MPP7: variants seen among roughly 807,000 people sequenced by gnomAD.
MPP7 encodes MAGUK p55 scaffold protein 7.
In MPP7, 60 loss-of-function variants were observed where a neutral mutation model predicts 76.5. That is an observed-to-expected ratio of 0.78 (90% CI 0.64 to 0.97). The LOEUF (loss-of-function observed/expected upper bound fraction) is 0.97. Among genes scored for constraint, MPP7 ranks in the 50% least tolerant of loss-of-function variants. MPP7 has a pLI of 0.00. For missense variants in MPP7, 641 were observed against 694.0 expected, an observed-to-expected ratio of 0.92 and a Z score of 0.86; for synonymous variants, 237 against 244.5, an observed-to-expected ratio of 0.97 and a Z score of 0.29.
chr10:28,310,516 C>A (rs574230927), intron 2 of MPP7, among the ~76,000 whole-genome samples: 11 of 152,172 alleles, frequency 7.2e-5, no homozygotes, highest in Middle Eastern at 3.4e-3. Context: ...CAATTATATA[C>A]CATTAAAAAT....
At chr10:28,077,378 A>G (rs1852544929) in intron 12 of MPP7, among the ~76,000 whole-genome samples, 1 of 152,214 alleles carries the variant, frequency 6.6e-6, no homozygotes, top group African/African-American at 2.4e-5. Flanking sequence ...AAGGTTAAAA[A>G]TAGAGACATA....
chr10:28,120,587 T>C lies in MPP7; in HGVS notation c.690+7A>G, dbSNP rs201583306. ...CGCACGAAGAAATGTTTTTAAGCAA[T>C]AATTACCTTGCCTTCTTTTGATGGT... On this transcript the variant is annotated splice_region_variant and intron_variant, in intron 9 of 16. Transcript: ENST00000683449. 1.4e-5 allele frequency: 23 copies of C among 1,612,812 alleles called. No individual in the cohort carries two copies. In the African/African-American group the frequency reaches 2.7e-4, roughly 19 times the overall value.
intron 5 of MPP7, among the ~76,000 whole-genome samples, chr10:28,132,630 C>T (rs1230226954): frequency 2.0e-5 from 3 of 152,160 alleles, no homozygotes; most frequent in Non-Finnish European, 2.9e-5. Context: ...GACAGAGTCT[C>T]GCTCTGTCGC....
chr10:28,225,902 T>A (rs1443274187), intron 2 of MPP7, among the ~76,000 whole-genome samples: 1 of 152,136 alleles, frequency 6.6e-6, no homozygotes, highest in Non-Finnish European at 1.5e-5. Flanking sequence ...CACATAAGCA[T>A]CTAAATCAAG....
rs1225704398 is a variant in MPP7, at chr10:28,143,900, TGTGA to T, written c.315+3579_315+3582del. ...GTGTGTGTGTGTGTGTGTGTGTGTGTGTGAGACTGAGTTTCACTCTTTCACCCAG... is the reference window on the plus strand; with the variant it reads ...GTGTGTGTGTGTGTGTGTGTGTGTGTGACTGAGTTTCACTCTTTCACCCAG... On this transcript the variant is annotated intron_variant, in intron 5 of 16. Transcript: ENST00000683449. Among the ~76,000 whole-genome samples the T allele has an allele frequency of 2.6e-3, 287 of 110,036 alleles. 2 individuals carry two copies. Among genetic ancestry groups the T allele is most frequent in the African/African-American group, 9.8e-3 (268 of 27,412 alleles). 72.2% of individuals were successfully genotyped at this position (110,036 alleles called of 152,430 possible). A position where few individuals can be genotyped will look rare whatever the true frequency, so the allele number is the denominator to read the frequency against.
At chr10:28,170,425 C>T (rs546490139) in intron 3 of MPP7, among the ~76,000 whole-genome samples, 43 of 151,866 alleles carry the variant, frequency 2.8e-4, no homozygotes, top group African/African-American at 9.7e-4. Context: ...CCACCTCAGC[C>T]TCCCAAAGTG....
At chr10:28,069,940 A>C (rs1035294886) in intron 12 of MPP7, 88 bp from the exon 13 acceptor site, 14 of 891,134 alleles carry the variant, frequency 1.6e-5, no homozygotes, top group Non-Finnish European at 2.3e-5. Flanking sequence ...AGACAGACTG[A>C]AAACATGGAT....
intron 12 of MPP7, among the ~76,000 whole-genome samples, chr10:28,076,823 G>A (rs1852505088): frequency 6.6e-6 from 1 of 152,000 alleles, no homozygotes. Flanking sequence ...GGGAGGCAGA[G>A]GTTACACTGA....
At position 28,100,686 on chromosome 10, in the gene MPP7, A is replaced by G. The variant is rs541379330; in HGVS notation, c.953-10845T>C. 4.5e-4 allele frequency among the ~76,000 whole-genome samples: 68 copies of G among 152,308 alleles called. 1 individual carries two copies. Among genetic ancestry groups the G allele is most frequent in the Admixed American group, 4.4e-3 (68 of 15,308 alleles). On this transcript the variant is annotated intron_variant, in intron 11 of 16. Coordinates refer to ENST00000683449, the MANE Select transcript of MPP7 (RefSeq NM_001318170.2). Reference sequence around the variant, plus strand: ...CAGTAAAATGTAAAGAAATGTTCACATGCCATAAACACCCTTGAGTCTTTC... The same window carrying G: ...CAGTAAAATGTAAAGAAATGTTCACGTGCCATAAACACCCTTGAGTCTTTC...
At chr10:28,128,768 T>C (rs900237031) in intron 6 of MPP7, among the ~76,000 whole-genome samples, 1 of 152,234 alleles carries the variant, frequency 6.6e-6, no homozygotes, top group East Asian at 1.9e-4. Flanking sequence ...CAAATGGAGA[T>C]AACAAATAGA....
chr10:28,140,465 C>T (rs1288691865), intron 5 of MPP7, among the ~76,000 whole-genome samples: 4 of 151,646 alleles, frequency 2.6e-5, no homozygotes, highest in East Asian at 1.9e-4. Flanking sequence ...GAGCTGAGAT[C>T]GCGCCACTGT....
intron 11 of MPP7, among the ~76,000 whole-genome samples, chr10:28,102,964 G>T (rs148210746): frequency 1.7e-3 from 253 of 152,266 alleles, no homozygotes; most frequent in Middle Eastern, 3.4e-3. Context: ...GAGTATAAGA[G>T]CCAAAGTTCC....
intron 13 of MPP7, among the ~76,000 whole-genome samples, chr10:28,068,456 T>C (rs1189893914): frequency 6.7e-6 from 1 of 148,506 alleles, no homozygotes; most frequent in East Asian, 2.1e-4. Context: ...AAAGCCAACA[T>C]TTCAATTTAG....
chr10:28,071,294 G>A (rs1852230060), intron 12 of MPP7, among the ~76,000 whole-genome samples: 1 of 152,152 alleles, frequency 6.6e-6, no homozygotes, highest in Non-Finnish European at 1.5e-5. Flanking sequence ...AAGTAGGGTG[G>A]GCATCCCAGG....
chr10:28,081,630 A>G (rs530703112), intron 12 of MPP7, among the ~76,000 whole-genome samples: 1 of 152,346 alleles, frequency 6.6e-6, no homozygotes, highest in South Asian at 2.1e-4. Flanking sequence ...CATTAAATAT[A>G]AGAATAAAAA....
intron 1 of MPP7, among the ~76,000 whole-genome samples, chr10:28,248,209 G>C (rs117502008): frequency 0.011 from 1,655 of 152,182 alleles, 15 homozygotes; most frequent in Middle Eastern, 0.031. Flanking sequence ...ACACACCCTG[G>C]AATGAATCTA....
In MPP7 at chr10:28,058,481, C is replaced by G. The variant is rs768516565; in HGVS notation, c.1407+14G>C. 1 of 1,491,144 alleles carries G rather than the reference C, an allele frequency of 6.7e-7. No individual in the cohort carries two copies. Among genetic ancestry groups the G allele is most frequent in the Admixed American group, 1.8e-5 (1 of 55,972 alleles). The allele number at this position is 1,491,144 out of a possible 1,614,324, so 92.4% of individuals were successfully genotyped here. A position where few individuals can be genotyped will look rare whatever the true frequency, so the allele number is the denominator to read the frequency against. The stretch of plus-strand genomic sequence containing the variant: ...TGGGTCAGAAGGGTATTGAATAGCT[C>G]ATTGTTTACTTACATGAGGCTGAAC... On this transcript the variant is annotated intron_variant, in intron 15 of 16. Coordinates refer to ENST00000683449, the MANE Select transcript of MPP7 (RefSeq NM_001318170.2).
Position 28,053,891 on chromosome 10 carries a change from A to G in MPP7, c.*174T>C, listed in dbSNP as rs78112140. The stretch of plus-strand genomic sequence containing the variant: ...TATTTTGATTTCGGATCTTATACTA[A>G]CACATGGCGTTTGAAATAAGGCTGT... On this transcript the variant is annotated 3_prime_UTR_variant, in exon 17 of 17. Transcript: ENST00000683449. The G allele has an allele frequency of 7.7e-5, 48 of 621,776 alleles. No individual in the cohort carries two copies. In the East Asian group the frequency reaches 1.3e-3, roughly 16 times the overall value. 38.5% of individuals were successfully genotyped at this position (621,776 alleles called of 1,614,324 possible). A position where few individuals can be genotyped will look rare whatever the true frequency, so the allele number is the denominator to read the frequency against.
chr10:28,243,033 A>G (rs556837916), intron 1 of MPP7, among the ~76,000 whole-genome samples: 1 of 152,296 alleles, frequency 6.6e-6, no homozygotes, highest in Admixed American at 6.5e-5. Context: ...ACACTTGTGC[A>G]ATGATTTGAG....
Sources: gnomAD v4.1 joint callset for allele counts (sites outside exome capture counted in the v4.1 genomes callset) on GRCh38, gnomAD v4.1.1 for gene constraint, MANE v1.5 for transcripts, NCBI Gene and HGNC (gene_info 2026-07-23, HGNC 2026-07-21) for gene names.